Variants in PFKFB2 observed in about 807,000 individuals in gnomAD.
The protein encoded by PFKFB2 is 6-phosphofructo-2-kinase/fructose-2,6-bisphosphatase 2.
PFKFB2 carries 53 observed loss-of-function variants against 68.0 expected under a neutral mutation model. The observed-to-expected ratio is 0.78, with a 90% CI of 0.63 to 0.98. PFKFB2 has a LOEUF of 0.98. Ranked by LOEUF, PFKFB2 falls within the 50% of genes least tolerant of loss-of-function variation. The pLI is 0.00. For missense variants in PFKFB2, 451 were observed against 642.0 expected (o/e 0.70, Z 3.22); for synonymous variants, 222 against 227.6 (o/e 0.98, Z 0.22).
At position 207,074,033 on chromosome 1, in the gene PFKFB2, G is replaced by T; in HGVS notation, c.*1662G>T. ...GGAGTATTCCTTAGAATTGCCTTTA[G>T]GATTGTTGAATCATAAACATGCCTG... On this transcript the variant is annotated 3_prime_UTR_variant, in exon 15 of 15. Transcript: ENST00000367080. 1.1e-6 allele frequency: 1 copy of T among 942,688 alleles called. No homozygotes were observed. The highest frequency in any genetic ancestry group is 1.2e-4 in the East Asian group (1 of 8,600). The allele number at this position is 942,688 out of a possible 1,614,324, so 58.4% of individuals were successfully genotyped here.
chr1:207,064,706 T>A (rs1271194424), intron 7 of PFKFB2, among the ~76,000 whole-genome samples: 1 of 151,982 alleles, frequency 6.6e-6, no homozygotes, highest in East Asian at 1.9e-4. Flanking sequence ...CTATTCTGAG[T>A]GGTAATAGGG....
chr1:207,073,257 T>C lies in PFKFB2; in HGVS notation c.*886T>C. ...CTTTTGAGGTCTGCAGAGTGGGGTT[T>C]AGGAGAGTAGGGTGGGCTCTAGCTC... On this transcript the variant is annotated 3_prime_UTR_variant, in exon 15 of 15. Transcript: ENST00000367080. 1.0e-6 allele frequency: 1 copy of C among 985,440 alleles called. No homozygotes were observed. The highest frequency in any genetic ancestry group is 1.2e-6 in the Non-Finnish European group (1 of 829,940). The allele number at this position is 985,440 out of a possible 1,614,324, so 61.0% of individuals were successfully genotyped here.
chr1:207,044,039 T>C (rs1638718806), intron 2 of PFKFB2: 1 of 152,524 alleles, frequency 6.6e-6, no homozygotes, highest in South Asian at 2.1e-4. Context: ...TGCTGGCAAA[T>C]AGGCAAAACA....
chr1:207,040,923 A>ATTTTTT (rs397862660), intron 1 of PFKFB2, among the ~76,000 whole-genome samples: 5 of 117,380 alleles, frequency 4.3e-5, no homozygotes, highest in African/African-American at 1.3e-4. Flanking sequence ...TTTAAAACAG[A>ATTTTTT]TTTTTTTTTT....
Position 207,075,079 on chromosome 1 carries a change from G to T in PFKFB2, c.*2708G>T, listed in dbSNP as rs1683585508. ...GTAATTCAGACCTAATGAATGAGAA[G>T]AGGGAGCACTTTGATCCACAGACTT... On this transcript the variant is annotated 3_prime_UTR_variant, in exon 15 of 15. Transcript: ENST00000367080. The T allele has an allele frequency of 1.0e-6, 1 of 985,326 alleles. No individual in the cohort carries two copies. 61.0% of individuals were successfully genotyped at this position (985,326 alleles called of 1,614,324 possible).
At chr1:207,035,151 C>T (rs1053645188) in intron 1 of PFKFB2, 1 of 985,428 alleles carries the variant, frequency 1.0e-6, no homozygotes, top group South Asian at 4.7e-5. Context: ...CTAATTACAG[C>T]CCAGCTCACC....
chr1:207,067,093 C>G (rs182324387), intron 8 of PFKFB2, among the ~76,000 whole-genome samples: 1 of 152,204 alleles, frequency 6.6e-6, no homozygotes, highest in East Asian at 1.9e-4. Flanking sequence ...TGCCTCTTCC[C>G]TTCCCCTCGT....
chr1:207,070,318 C>T lies in PFKFB2; in HGVS notation c.1131C>T (p.Ile377=), dbSNP rs1262117357. 1 of 1,613,834 alleles carries T rather than the reference C, an allele frequency of 6.2e-7. No homozygotes were observed. The highest frequency in any genetic ancestry group is 1.1e-5 in the South Asian group (1 of 91,070). The change falls in exon 12 of 15, where the codon ATC becomes ATT. Residue 377 remains isoleucine (I), a synonymous_variant. Coordinates refer to ENST00000367080, the MANE Select transcript of PFKFB2 (RefSeq NM_006212.2). The surrounding 1 kb of genome is among the most constrained non-coding windows in gnomAD (Gnocchi z 4.2). ...QDLVQRLEPV[I]MELERQGNVL... The stretch of plus-strand genomic sequence containing the variant: ...TGGTGCAGCGGCTGGAGCCTGTCAT[C>T]ATGGAGCTGGAACGTCAGGGCAATG...
At chr1:207,058,529 G>T (rs1274545780) in intron 2 of PFKFB2, among the ~76,000 whole-genome samples, 1 of 152,242 alleles carries the variant, frequency 6.6e-6, no homozygotes. Flanking sequence ...CATGGGCAAA[G>T]CTCTTAATTT....
At chr1:207,057,339 A>G (rs1572718023) in intron 2 of PFKFB2, among the ~76,000 whole-genome samples, 1 of 144,742 alleles carries the variant, frequency 6.9e-6, no homozygotes, top group Admixed American at 6.9e-5. Flanking sequence ...CTAGCCGGGC[A>G]TGGTGGCGGG....
chr1:207,072,957 C>T lies in PFKFB2; in HGVS notation c.*586C>T. ...TGATTGACAAGAGACAAGTCTGGCC[C>T]AGTTAATGCTTTCTGCAGTGGGTCT... is the stretch of plus-strand genomic sequence containing the variant. On this transcript the variant is annotated 3_prime_UTR_variant, in exon 15 of 15. Coordinates refer to ENST00000367080, the MANE Select transcript of PFKFB2 (RefSeq NM_006212.2). The T allele has an allele frequency of 1.0e-6, 1 of 985,628 alleles. No homozygotes were observed. The highest frequency in any genetic ancestry group is 4.7e-5 in the South Asian group (1 of 21,286). The allele number at this position is 985,628 out of a possible 1,614,324, so 61.1% of individuals were successfully genotyped here.
intron 2 of PFKFB2, chr1:207,046,072 A>C (rs1682594889): frequency 6.6e-6 from 1 of 152,096 alleles, no homozygotes; most frequent in African/African-American, 2.4e-5. Flanking sequence ...TTCAGGAGTG[A>C]ATCTTCATAG....
At chr1:207,037,852 C>G (rs1682407530) in intron 1 of PFKFB2, among the ~76,000 whole-genome samples, 1 of 152,170 alleles carries the variant, frequency 6.6e-6, no homozygotes, top group African/African-American at 2.4e-5. Flanking sequence ...GTAATCATAT[C>G]TATAAAATAG....
chr1:207,060,137 G>A (rs1229245800), intron 2 of PFKFB2, among the ~76,000 whole-genome samples: 3 of 152,176 alleles, frequency 2.0e-5, no homozygotes, highest in Non-Finnish European at 4.4e-5. Context: ...AAGATGGGCC[G>A]GGAGGAGCCA....
chr1:207,077,577 T>G lies in PFKFB2; in HGVS notation c.*5206T>G. 1 of 985,690 alleles carries G rather than the reference T, an allele frequency of 1.0e-6. No individual in the cohort carries two copies. Among genetic ancestry groups the G allele is most frequent in the Non-Finnish European group, 1.2e-6 (1 of 829,914 alleles). 61.1% of individuals were successfully genotyped at this position (985,690 alleles called of 1,614,324 possible). A position where few individuals can be genotyped will look rare whatever the true frequency, so the allele number is the denominator to read the frequency against. On this transcript the variant is annotated 3_prime_UTR_variant, in exon 15 of 15. Transcript: ENST00000367080. ...TGGTGTGGGGCTGAGCACCTCTGGGTTGAATGGGAATGGGTCAGATTGGGA... is the reference window on the plus strand; with the variant it reads ...TGGTGTGGGGCTGAGCACCTCTGGGGTGAATGGGAATGGGTCAGATTGGGA...
chr1:207,074,399 G>A lies in PFKFB2; in HGVS notation c.*2028G>A, dbSNP rs116045064. On this transcript the variant is annotated 3_prime_UTR_variant, in exon 15 of 15. Coordinates refer to ENST00000367080, the MANE Select transcript of PFKFB2 (RefSeq NM_006212.2). ...TTAACCCTTTACATTGCTGAGTGAT[G>A]TGGAACAAATCACTGAATTAAATAA... 413 of 985,334 alleles carry A rather than the reference G, an allele frequency of 4.2e-4. No individual in the cohort carries two copies. The highest frequency in any genetic ancestry group is 8.0e-4 in the Admixed American group (13 of 16,288). 61.0% of individuals were successfully genotyped at this position (985,334 alleles called of 1,614,324 possible). A position where few individuals can be genotyped will look rare whatever the true frequency, so the allele number is the denominator to read the frequency against.
At chr1:207,046,887 A>G (rs1240733211) in intron 2 of PFKFB2, 2 of 152,130 alleles carry the variant, frequency 1.3e-5, no homozygotes, top group Non-Finnish European at 2.9e-5. Context: ...TACTCAATAA[A>G]TATTTGTTGC....
At chr1:207,062,295 T>G (rs1045518847) in intron 3 of PFKFB2, among the ~76,000 whole-genome samples, 17 of 152,230 alleles carry the variant, frequency 1.1e-4, no homozygotes, top group African/African-American at 2.7e-4. Context: ...TTGATAGGAC[T>G]GTTAAGATTT....
Position 207,063,888 on chromosome 1 carries a change from GGTGTGTGTGT to G in PFKFB2, c.507+78_507+87del, listed in dbSNP as rs57138984. 3.3e-5 allele frequency: 34 copies of G among 1,016,612 alleles called. No homozygotes were observed. Among genetic ancestry groups the G allele is most frequent in the African/African-American group, 2.3e-4 (14 of 60,032 alleles). The allele number at this position is 1,016,612 out of a possible 1,614,324, so 63.0% of individuals were successfully genotyped here. ...ACCTTTTGTGCTGTGTGTGTTGTGG[GGTGTGTGTGT>G]GTGTGTGTGTGTGTGTGTTGTTGGG... On this transcript the variant is annotated intron_variant, in intron 7 of 14. Transcript: ENST00000367080. The surrounding 1 kb of genome is among the most constrained non-coding windows in gnomAD (Gnocchi z 4.1).
Sources: gnomAD v4.1 joint callset for allele counts (sites outside exome capture counted in the v4.1 genomes callset) on GRCh38, gnomAD v4.1.1 for gene constraint, Gnocchi (gnomAD v3.1) non-coding constraint, MANE v1.5 for transcripts, NCBI Gene and HGNC (gene_info 2026-07-23, HGNC 2026-07-21) for gene names.